The following MAD1L1 variants were observed in gnomAD, a reference collection of about 807,000 sequenced individuals.
MAD1L1 encodes mitotic spindle assembly checkpoint protein MAD1.
Under a neutral mutation model 96.9 loss-of-function variants are expected in MAD1L1, and 95 were observed. That is an observed-to-expected ratio of 0.98 (90% CI 0.83 to 1.16). The LOEUF (loss-of-function observed/expected upper bound fraction) is 1.16, where lower values mean the gene tolerates loss of function less well. Ranked by LOEUF, MAD1L1 falls within the 50% of genes most tolerant of loss-of-function variation. The probability of loss-of-function intolerance (pLI) is 0.00; values close to 1 mark genes in which losing one functional copy is unlikely to be tolerated. For missense variants in MAD1L1, 1,007 were observed against 954.4 expected, an observed-to-expected ratio of 1.06 and a Z score of -0.73; for synonymous variants, 473 against 396.6, an observed-to-expected ratio of 1.19 and a Z score of -2.29.
chr7:2,082,801 C>T (rs572554065), intron 11 of MAD1L1, among the ~76,000 whole-genome samples: 2 of 152,370 alleles, frequency 1.3e-5, no homozygotes, highest in South Asian at 2.1e-4. Context: ...CGCCTGCACT[C>T]GGCCCAGCCT....
chr7:2,186,299 C>T (rs1401663413), intron 10 of MAD1L1, among the ~76,000 whole-genome samples: 2 of 152,092 alleles, frequency 1.3e-5, no homozygotes, highest in Admixed American at 6.6e-5. Context: ...AAAAAATTGG[C>T]AACAACTGTA....
chr7:1,908,160 C>G (rs1196353377), intron 17 of MAD1L1, among the ~76,000 whole-genome samples: 1 of 152,212 alleles, frequency 6.6e-6, no homozygotes, highest in African/African-American at 2.4e-5. Flanking sequence ...CCCAGCAAGT[C>G]TGTCCAGGCT....
chr7:2,214,026 C>T (rs1793126253), intron 9 of MAD1L1, among the ~76,000 whole-genome samples: 1 of 152,272 alleles, frequency 6.6e-6, no homozygotes, highest in South Asian at 2.1e-4. Context: ...TATGCGCAGG[C>T]ACGCACTTGA....
intron 3 of MAD1L1, among the ~76,000 whole-genome samples, chr7:2,226,603 C>G (rs1440186746): frequency 6.6e-6 from 1 of 152,244 alleles, no homozygotes; most frequent in African/African-American, 2.4e-5. Flanking sequence ...GAGTCACTGA[C>G]TCTTCACGTG....
At chr7:2,192,729 G>A (rs1791788572) in intron 10 of MAD1L1, among the ~76,000 whole-genome samples, 1 of 152,114 alleles carries the variant, frequency 6.6e-6, no homozygotes, top group African/African-American at 2.4e-5. Flanking sequence ...CATGCCCCAA[G>A]GAAACGAGAG....
rs940278789 is a variant in MAD1L1 at position 1,817,787 on chromosome 7, G to A, written c.1999-1559C>T. The stretch of plus-strand genomic sequence containing the variant: ...GGCAGCCCTCTGGGAACCCTCCCCA[G>A]GAGCCACAGGGCGGCCTGGCTCCAT... On this transcript the variant is annotated intron_variant, in intron 18 of 18. Coordinates refer to ENST00000265854, the MANE Select transcript of MAD1L1 (RefSeq NM_001013836.2). Among the ~76,000 whole-genome samples, 11 of 152,084 alleles carry A rather than the reference G, an allele frequency of 7.2e-5. 1 individual carries two copies. The highest frequency in any genetic ancestry group is 1.5e-4 in the Non-Finnish European group (10 of 67,990).
At chr7:1,857,834 C>T (rs1466628452) in intron 18 of MAD1L1, among the ~76,000 whole-genome samples, 2 of 152,202 alleles carry the variant, frequency 1.3e-5, no homozygotes, top group African/African-American at 4.8e-5. Flanking sequence ...TCTTTCTCAT[C>T]CACTCAGTCC....
At chr7:1,849,109 CACGTGCACACACAG>C (rs1205334316) in intron 18 of MAD1L1, 1 of 128,938 alleles carries the variant, frequency 7.8e-6, no homozygotes, top group Non-Finnish European at 1.6e-5. Flanking sequence ...CACACACATA[CACGTGCACACACAG>C]ACATGCACAC....
At chr7:2,070,633 G>A (rs930241522) in intron 11 of MAD1L1, among the ~76,000 whole-genome samples, 10 of 152,358 alleles carry the variant, frequency 6.6e-5, no homozygotes, top group East Asian at 1.9e-4. Context: ...AGCTGCACAC[G>A]ACTCTATTGA....
At position 2,058,877 on chromosome 7, in the gene MAD1L1, G is replaced by A. The variant is rs1348210295; in HGVS notation, c.1218+10317C>T. 4.3e-4 allele frequency among the ~76,000 whole-genome samples: 29 copies of A among 67,984 alleles called. 1 individual carries two copies. Among genetic ancestry groups the A allele is most frequent in the African/African-American group, 1.8e-3 (25 of 14,242 alleles). The allele number at this position is 67,984 out of a possible 152,430, so 44.6% of individuals were successfully genotyped here. A position where few individuals can be genotyped will look rare whatever the true frequency, so the allele number is the denominator to read the frequency against. On this transcript the variant is annotated intron_variant, in intron 12 of 18. Coordinates refer to ENST00000265854, the MANE Select transcript of MAD1L1 (RefSeq NM_001013836.2). ...TGTGGCCAGAGGAGAGGAGAGGCGC[G>A]GGGCTAGAGTGGGAGTGTGGCCAGG...
At chr7:2,025,575 G>A (rs1320035282) in intron 12 of MAD1L1, among the ~76,000 whole-genome samples, 3 of 152,196 alleles carry the variant, frequency 2.0e-5, no homozygotes, top group Non-Finnish European at 2.9e-5. Flanking sequence ...GAAGAAAAAC[G>A]ATTGCAGATG....
intron 17 of MAD1L1, among the ~76,000 whole-genome samples, chr7:1,932,357 C>T (rs2128461615): frequency 1.3e-5 from 2 of 152,262 alleles, no homozygotes; most frequent in Middle Eastern, 6.8e-3. Flanking sequence ...GTGCCACAGC[C>T]ACACTCTTTC....
At chr7:2,219,125 C>T (rs1241881540) in intron 6 of MAD1L1, among the ~76,000 whole-genome samples, 1 of 152,124 alleles carries the variant, frequency 6.6e-6, no homozygotes, top group East Asian at 1.9e-4. Context: ...GAAGTTGCTG[C>T]CCCCATTCTG....
intron 10 of MAD1L1, among the ~76,000 whole-genome samples, chr7:2,164,705 C>T (rs925029407): frequency 6.6e-6 from 1 of 152,008 alleles, no homozygotes; most frequent in African/African-American, 2.4e-5. Context: ...GCTCCATCAG[C>T]ATAATCTGTG....
chr7:2,056,341 G>A (rs984369305), intron 12 of MAD1L1, among the ~76,000 whole-genome samples: 1 of 152,236 alleles, frequency 6.6e-6, no homozygotes, highest in African/African-American at 2.4e-5. Flanking sequence ...AAGAGACGGC[G>A]ATCAGAAGCA....
chr7:2,020,742 C>T (rs1333906163), intron 12 of MAD1L1, among the ~76,000 whole-genome samples: 2 of 150,210 alleles, frequency 1.3e-5, no homozygotes, highest in African/African-American at 2.5e-5. Context: ...GAGACGACAG[C>T]GGCCTAAGCA....
intron 12 of MAD1L1, among the ~76,000 whole-genome samples, chr7:2,060,059 C>T (rs546940304): frequency 2.0e-5 from 3 of 151,386 alleles, no homozygotes; most frequent in South Asian, 4.2e-4. Flanking sequence ...ACACCGATGC[C>T]GAGGTATCAA....
At chr7:1,874,667 C>T (rs1269972906) in intron 18 of MAD1L1, 6 of 387,408 alleles carry the variant, frequency 1.5e-5, no homozygotes, top group South Asian at 5.8e-5. Context: ...AAAAGCAGCT[C>T]GCAGCACACC....
chr7:1,985,140 G>C (rs1454807239), intron 14 of MAD1L1, among the ~76,000 whole-genome samples: 1 of 152,224 alleles, frequency 6.6e-6, no homozygotes, highest in African/African-American at 2.4e-5. Flanking sequence ...GGTGTGTCTG[G>C]GAGGGTTTGT....
Sources: allele counts gnomAD v4.1 joint callset (sites outside exome capture counted in the v4.1 genomes callset), GRCh38; gene constraint gnomAD v4.1.1; transcripts MANE v1.5; gene names NCBI Gene and HGNC (gene_info 2026-07-23, HGNC 2026-07-21).